ZBTB20: variants seen among roughly 807,000 people sequenced by gnomAD.
ZBTB20 encodes zinc finger and BTB domain-containing protein 20.
In ZBTB20, 9 loss-of-function variants were observed where a neutral mutation model predicts 56.9. The observed-to-expected ratio is 0.16, with a 90% CI of 0.10 to 0.28. The LOEUF is 0.28. Ranked by LOEUF, ZBTB20 falls within the 10% of genes least tolerant of loss-of-function variation. The probability of loss-of-function intolerance (pLI) is 1.00; values close to 1 mark genes in which losing one functional copy is unlikely to be tolerated. For synonymous variants in ZBTB20, 417 were observed against 420.7 expected (o/e 0.99, Z 0.11); for missense variants, 655 against 1,003.0 (o/e 0.65, Z 4.69).
intron 2 of ZBTB20, among the ~76,000 whole-genome samples, chr3:115,037,904 A>G (rs560399191): frequency 6.6e-6 from 1 of 152,322 alleles, no homozygotes; most frequent in South Asian, 2.1e-4. Context: ...GAAAACATTT[A>G]TTCTTTGTGG....
At chr3:114,884,407 G>A (rs1391349883) in intron 4 of ZBTB20, among the ~76,000 whole-genome samples, 1 of 152,052 alleles carries the variant, frequency 6.6e-6, no homozygotes, top group South Asian at 2.1e-4. Flanking sequence ...CACAGTAGAC[G>A]GCCTACTTCC....
At chr3:114,656,670 T>C (rs2060422010) in intron 6 of ZBTB20, among the ~76,000 whole-genome samples, 1 of 152,196 alleles carries the variant, frequency 6.6e-6, no homozygotes. Context: ...GTATTATACC[T>C]TAACTTTTTA....
In ZBTB20 at chr3:115,089,997, G is replaced by A. The variant is rs368502228; in HGVS notation, c.-702-18583C>T. Among the ~76,000 whole-genome samples, 18 of 151,838 alleles carry A rather than the reference G, an allele frequency of 1.2e-4. No homozygotes were observed. The East Asian group carries it at 2.9e-3, about 24-fold the overall frequency. ...AAATATATTTTAACAATATACCCTA[G>A]AAACAAGAGTAATGATTCTCAAACC... is the stretch of plus-strand genomic sequence containing the variant. On this transcript the variant is annotated intron_variant, in intron 1 of 11. Coordinates refer to ENST00000675478, the MANE Select transcript of ZBTB20 (RefSeq NM_001348800.3).
chr3:114,414,097 C>A (rs1032140663), intron 7 of ZBTB20, among the ~76,000 whole-genome samples: 1 of 152,034 alleles, frequency 6.6e-6, no homozygotes, highest in Non-Finnish European at 1.5e-5. Context: ...TAAGAGGGAA[C>A]AAAAGAAGCA....
At chr3:115,079,809 A>G (rs1442390323) in intron 1 of ZBTB20, among the ~76,000 whole-genome samples, 1 of 152,236 alleles carries the variant, frequency 6.6e-6, no homozygotes, top group African/African-American at 2.4e-5. Context: ...ATTCAATTGC[A>G]TATTATCCAT....
intron 7 of ZBTB20, among the ~76,000 whole-genome samples, chr3:114,493,980 G>A (rs114805174): frequency 0.011 from 1,666 of 152,266 alleles, 26 homozygotes; most frequent in African/African-American, 0.033. Flanking sequence ...CTGGAATCAA[G>A]TTCTATCTCT....
chr3:114,827,876 G>GT (rs2073625952), intron 4 of ZBTB20, among the ~76,000 whole-genome samples: 1 of 151,618 alleles, frequency 6.6e-6, no homozygotes, highest in Admixed American at 6.6e-5. Flanking sequence ...CCTGGGCCTG[G>GT]TTTTTTATTT....
chr3:114,809,436 T>C (rs1186221698), intron 4 of ZBTB20, among the ~76,000 whole-genome samples: 1 of 152,166 alleles, frequency 6.6e-6, no homozygotes, highest in Non-Finnish European at 1.5e-5. Flanking sequence ...TATTCTGCCA[T>C]CTTAAATATT....
chr3:114,407,389 T>A (rs1372361843), intron 7 of ZBTB20, among the ~76,000 whole-genome samples: 1 of 152,158 alleles, frequency 6.6e-6, no homozygotes, highest in African/African-American at 2.4e-5. Context: ...TTATGCACTT[T>A]TATTGCAAGG....
At chr3:114,411,676 A>G (rs928095649) in intron 7 of ZBTB20, among the ~76,000 whole-genome samples, 1 of 152,128 alleles carries the variant, frequency 6.6e-6, no homozygotes, top group Non-Finnish European at 1.5e-5. Flanking sequence ...CTACCCTGCT[A>G]AGGCTTTTCA....
intron 1 of ZBTB20, among the ~76,000 whole-genome samples, chr3:115,107,988 G>A (rs891914878): frequency 1.5e-4 from 23 of 152,144 alleles, no homozygotes; most frequent in African/African-American, 5.1e-4. Context: ...GCCTGTCGGC[G>A]GGTGGGGGGT....
At chr3:114,688,917 A>T (rs1174635412) in intron 6 of ZBTB20, among the ~76,000 whole-genome samples, 1 of 152,192 alleles carries the variant, frequency 6.6e-6, no homozygotes, top group South Asian at 2.1e-4. Context: ...CCAGTTCTCT[A>T]TGGAGCCTAG....
At chr3:114,925,977 A>T (rs1467694309) in intron 3 of ZBTB20, among the ~76,000 whole-genome samples, 2 of 152,200 alleles carry the variant, frequency 1.3e-5, no homozygotes, top group African/African-American at 4.8e-5. Context: ...ATATTGAAAA[A>T]TTTGTGCTTT....
At chr3:114,889,027 G>A (rs2076709803) in intron 4 of ZBTB20, among the ~76,000 whole-genome samples, 1 of 151,850 alleles carries the variant, frequency 6.6e-6, no homozygotes, top group Non-Finnish European at 1.5e-5. Context: ...GAAATGTAGT[G>A]TAAAAAGTTT....
intron 7 of ZBTB20, among the ~76,000 whole-genome samples, chr3:114,459,191 C>T (rs570849718): frequency 6.6e-6 from 1 of 152,132 alleles, no homozygotes; most frequent in South Asian, 2.1e-4. Flanking sequence ...TACTTTCAAG[C>T]ACCTTTTTTT....
At chr3:114,785,072 C>T (rs1382285962) in intron 5 of ZBTB20, among the ~76,000 whole-genome samples, 2 of 152,114 alleles carry the variant, frequency 1.3e-5, no homozygotes, top group Non-Finnish European at 2.9e-5. Context: ...AGAATCCATA[C>T]AATATCAGAA....
At chr3:114,523,089 G>C (rs987377025) in intron 6 of ZBTB20, among the ~76,000 whole-genome samples, 3 of 152,098 alleles carry the variant, frequency 2.0e-5, no homozygotes, top group African/African-American at 7.2e-5. Flanking sequence ...GCTAGCAAAA[G>C]AGACTGAGGA....
At position 114,339,375 on chromosome 3, in the gene ZBTB20, T is replaced by C. The variant is rs578082367; in HGVS notation, c.1856A>G (p.Asp619Gly). The change falls in exon 12 of 12, where the codon GAT (aspartate) becomes GGT (glycine). Residue 619 changes from aspartate (D) to glycine (G), a missense_variant. By Grantham distance (94) the Asp-to-Gly change is moderately conservative (BLOSUM62 -1). Transcript: ENST00000675478. The surrounding 1 kb of genome is among the most constrained non-coding windows in gnomAD (Gnocchi z 4.2). ...TGTCACCATGTGCTTGATAAGGTAA[T>C]CCTTTAAGGAGAAGGAGCGCCAACA... is the stretch of plus-strand genomic sequence containing the variant. Reference protein sequence around the residue: ...SICWRSFSLKDYLIKHMVTHT... With the variant: ...SICWRSFSLKGYLIKHMVTHT... 1 of 1,613,954 alleles carries C rather than the reference T, an allele frequency of 6.2e-7. No homozygotes were observed. The highest frequency in any genetic ancestry group is 2.2e-5 in the East Asian group (1 of 44,844).
intron 6 of ZBTB20, among the ~76,000 whole-genome samples, chr3:114,662,623 A>G (rs1208169460): frequency 7.2e-6 from 1 of 138,710 alleles, no homozygotes; most frequent in Non-Finnish European, 1.6e-5. Flanking sequence ...GATATCTCAT[A>G]GTGGTTTTGA....
Sources: gnomAD v4.1 joint callset for allele counts (sites outside exome capture counted in the v4.1 genomes callset) on GRCh38, gnomAD v4.1.1 for gene constraint, Gnocchi (gnomAD v3.1) non-coding constraint, MANE v1.5 for transcripts, NCBI Gene and HGNC (gene_info 2026-07-23, HGNC 2026-07-21) for gene names.